ADARB2: variants seen among roughly 807,000 people sequenced by gnomAD.
The protein encoded by ADARB2 is adenosine deaminase RNA specific B2 (inactive).
In ADARB2, 25 loss-of-function variants were observed where a neutral mutation model predicts 62.2. The ratio of observed to expected loss-of-function variants is 0.40; its 90% CI spans 0.29 to 0.56. The LOEUF (loss-of-function observed/expected upper bound fraction) is 0.56, where lower values mean the gene tolerates loss of function less well. Ranked by LOEUF, ADARB2 falls within the 20% of genes least tolerant of loss-of-function variation. The pLI, the probability that ADARB2 is intolerant of heterozygous loss-of-function variation, is 0.43. For synonymous variants in ADARB2, 572 were observed against 500.8 expected (o/e 1.14, Z -1.90); for missense variants, 1,071 against 1,077.4 (o/e 0.99, Z 0.08).
chr10:1,303,899 G>A (rs1372197707), intron 3 of ADARB2, among the ~76,000 whole-genome samples: 5 of 152,064 alleles, frequency 3.3e-5, no homozygotes, highest in East Asian at 1.9e-4. Flanking sequence ...AGGAACAACC[G>A]GTACCAGCCA....
intron 3 of ADARB2, among the ~76,000 whole-genome samples, chr10:1,339,145 C>A (rs1160170159): frequency 6.6e-6 from 1 of 152,238 alleles, no homozygotes; most frequent in Non-Finnish European, 1.5e-5. Flanking sequence ...CTGTGCTGAG[C>A]CGAGATGTCT....
intron 3 of ADARB2, among the ~76,000 whole-genome samples, chr10:1,332,929 C>T (rs1047480985): frequency 1.3e-5 from 2 of 152,190 alleles, no homozygotes; most frequent in African/African-American, 2.4e-5. Context: ...TTTTCCCCAT[C>T]CCCGCAATCA....
intron 1 of ADARB2, among the ~76,000 whole-genome samples, chr10:1,519,567 C>T (rs1832048522): frequency 6.6e-6 from 1 of 152,168 alleles, no homozygotes; most frequent in Non-Finnish European, 1.5e-5. Flanking sequence ...ATCCCCGGTG[C>T]CCTACTGTGG....
At chr10:1,490,867 T>C (rs890467958) in intron 1 of ADARB2, among the ~76,000 whole-genome samples, 2 of 152,172 alleles carry the variant, frequency 1.3e-5, no homozygotes, top group African/African-American at 2.4e-5. Flanking sequence ...CATACCCCAG[T>C]TGTCTCATGA....
At chr10:1,293,062 A>AG (rs1491528126) in intron 3 of ADARB2, 11 of 70,800 alleles carry the variant, frequency 1.6e-4, no homozygotes, top group Admixed American at 1.4e-3. Context: ...AGGGAGGGAA[A>AG]GGGGGGAGAG....
intron 1 of ADARB2, among the ~76,000 whole-genome samples, chr10:1,684,204 A>G (rs1226435662): frequency 6.6e-6 from 1 of 152,230 alleles, no homozygotes; most frequent in East Asian, 1.9e-4. Context: ...AATCCATGAC[A>G]GAAAAACAGA....
intron 1 of ADARB2, among the ~76,000 whole-genome samples, chr10:1,691,662 C>G (rs192617078): frequency 6.6e-6 from 1 of 152,274 alleles, no homozygotes; most frequent in Non-Finnish European, 1.5e-5. Context: ...CACTGTGGCT[C>G]CTAGAATCAT....
intron 4 of ADARB2, among the ~76,000 whole-genome samples, chr10:1,251,391 G>GT (rs1274511307): frequency 1.3e-5 from 2 of 152,204 alleles, no homozygotes; most frequent in African/African-American, 4.8e-5. Flanking sequence ...ATGGAGATAT[G>GT]TAAAAAGGTC....
intron 1 of ADARB2, among the ~76,000 whole-genome samples, chr10:1,620,477 C>G (rs1833692607): frequency 6.6e-6 from 1 of 152,166 alleles, no homozygotes; most frequent in Admixed American, 6.5e-5. Context: ...GAAAATTAAA[C>G]TAACAATTAG....
chr10:1,638,758 C>G (rs1402237442), intron 1 of ADARB2, among the ~76,000 whole-genome samples: 2 of 152,196 alleles, frequency 1.3e-5, no homozygotes, highest in Non-Finnish European at 2.9e-5. Flanking sequence ...AGCCAGTCCT[C>G]TCCATGTCTG....
chr10:1,201,265 CA>C (rs1836981241), intron 7 of ADARB2, among the ~76,000 whole-genome samples: 1 of 152,216 alleles, frequency 6.6e-6, no homozygotes, highest in Non-Finnish European at 1.5e-5. Context: ...TCTCCCTCTG[CA>C]AATGCAGGTC....
intron 3 of ADARB2, among the ~76,000 whole-genome samples, chr10:1,293,227 G>GA (rs1831491037): frequency 9.4e-6 from 1 of 106,106 alleles, no homozygotes; most frequent in Non-Finnish European, 1.9e-5. Flanking sequence ...AGAGAGGGAC[G>GA]GGGAGGGAGA....
At chr10:1,440,612 C>A (rs1424481017) in intron 1 of ADARB2, among the ~76,000 whole-genome samples, 1 of 152,164 alleles carries the variant, frequency 6.6e-6, no homozygotes, top group Non-Finnish European at 1.5e-5. Flanking sequence ...TTATCTGTAG[C>A]CTGTCCTGGG....
intron 1 of ADARB2, among the ~76,000 whole-genome samples, chr10:1,730,256 G>A (rs1035099459): frequency 3.7e-4 from 56 of 152,176 alleles, no homozygotes; most frequent in African/African-American, 1.3e-3. Context: ...TGATGAACGT[G>A]GCCAGATTTG....
chr10:1,300,896 T>G (rs1048206929), intron 3 of ADARB2, among the ~76,000 whole-genome samples: 1 of 152,320 alleles, frequency 6.6e-6, no homozygotes, highest in Middle Eastern at 3.4e-3. Flanking sequence ...GCTTAGAAGA[T>G]AAAGCAATAT....
At position 1,442,639 on chromosome 10, in the gene ADARB2, C is replaced by G. The variant is rs577019531; in HGVS notation, c.101-63479G>C. Among the ~76,000 whole-genome samples the G allele has an allele frequency of 7.2e-5, 11 of 152,312 alleles. No homozygotes were observed. In the South Asian group the frequency reaches 2.3e-3, roughly 32 times the overall value. Reference sequence around the variant, plus strand: ...AAATGAAAGGACCAGCAGTCGTACTCTTGAGAGTGAGACACTGTTCTTATG... The same window carrying G: ...AAATGAAAGGACCAGCAGTCGTACTGTTGAGAGTGAGACACTGTTCTTATG... On this transcript the variant is annotated intron_variant, in intron 1 of 9. Coordinates refer to ENST00000381312, the MANE Select transcript of ADARB2 (RefSeq NM_018702.4).
At chr10:1,699,598 G>A (rs879250901) in intron 1 of ADARB2, among the ~76,000 whole-genome samples, 78 of 136,576 alleles carry the variant, frequency 5.7e-4, no homozygotes, top group African/African-American at 2.2e-3. Flanking sequence ...CCACTCCACC[G>A]GGAGACCAGG....
At chr10:1,306,032 C>T (rs538837880) in intron 3 of ADARB2, among the ~76,000 whole-genome samples, 22 of 152,296 alleles carry the variant, frequency 1.4e-4, no homozygotes, top group African/African-American at 4.8e-4. Flanking sequence ...CACTCCTATT[C>T]AACATAGTGT....
intron 1 of ADARB2, among the ~76,000 whole-genome samples, chr10:1,495,842 A>T (rs1233243898): frequency 2.0e-5 from 3 of 151,954 alleles, no homozygotes; most frequent in African/African-American, 7.3e-5. Flanking sequence ...TATCATTGTC[A>T]TCAACATTAC....
Sources: gnomAD v4.1 joint callset for allele counts (sites outside exome capture counted in the v4.1 genomes callset) on GRCh38, gnomAD v4.1.1 for gene constraint, MANE v1.5 for transcripts, NCBI Gene and HGNC (gene_info 2026-07-23, HGNC 2026-07-21) for gene names.